Variants in RABGAP1L observed in about 807,000 individuals in gnomAD.
The protein encoded by RABGAP1L is rab GTPase-activating protein 1-like.
Under a neutral mutation model 137.7 loss-of-function variants are expected in RABGAP1L, and 63 were observed. That is an observed-to-expected ratio of 0.46 (90% CI 0.37 to 0.56). RABGAP1L has a LOEUF of 0.56. Ranked by LOEUF, RABGAP1L falls within the 20% of genes least tolerant of loss-of-function variation. The probability of loss-of-function intolerance (pLI) is 0.00; values close to 1 mark genes in which losing one functional copy is unlikely to be tolerated. For synonymous variants in RABGAP1L, 431 were observed against 433.7 expected, an observed-to-expected ratio of 0.99 and a Z score of 0.08; for missense variants, 1,095 against 1,244.0, an observed-to-expected ratio of 0.88 and a Z score of 1.80.
intron 17 of RABGAP1L, among the ~76,000 whole-genome samples, chr1:174,712,126 T>TGGACCAATCAGCTGTCTGTAAAAC (rs1241073645): frequency 9.2e-5 from 14 of 152,100 alleles, no homozygotes; most frequent in Non-Finnish European, 2.1e-4. Context: ...CTCTGTAAAA[T>TGGACCAATCAGCTGTCTGTAAAAC]GGACCAATCA....
intron 13 of RABGAP1L, among the ~76,000 whole-genome samples, chr1:174,559,765 G>A (rs1474249730): frequency 6.6e-6 from 1 of 152,168 alleles, no homozygotes; most frequent in African/African-American, 2.4e-5. Flanking sequence ...AACAATAATG[G>A]GTTATTGATT....
chr1:174,515,152 G>A (rs1269190973), intron 13 of RABGAP1L, among the ~76,000 whole-genome samples: 3 of 152,086 alleles, frequency 2.0e-5, no homozygotes, highest in Non-Finnish European at 4.4e-5. Flanking sequence ...TTGTACAACA[G>A]ATCTCTTGAA....
At chr1:174,637,333 G>T in intron 13 of RABGAP1L, 42 bp from the exon 14 acceptor site, 1 of 1,381,980 alleles carries the variant, frequency 7.2e-7, no homozygotes, top group South Asian at 1.2e-5. Context: ...TTCATAACTG[G>T]GAAAAAATTT....
intron 1 of RABGAP1L, among the ~76,000 whole-genome samples, chr1:174,176,396 G>A (rs1368661915): frequency 1.3e-5 from 2 of 151,934 alleles, no homozygotes; most frequent in East Asian, 3.9e-4. Context: ...TTATAATATT[G>A]GCACATCTTA....
intron 19 of RABGAP1L, among the ~76,000 whole-genome samples, chr1:174,900,630 C>T (rs1471365655): frequency 2.0e-5 from 3 of 152,150 alleles, no homozygotes; most frequent in Non-Finnish European, 4.4e-5. Context: ...CCCTATTCTC[C>T]TGCCTCAGCC....
intron 11 of RABGAP1L, among the ~76,000 whole-genome samples, chr1:174,338,916 A>G (rs1255406243): frequency 6.6e-6 from 1 of 152,156 alleles, no homozygotes; most frequent in Non-Finnish European, 1.5e-5. Flanking sequence ...ACAGAGCTGA[A>G]AATATTTACT....
chr1:174,635,000 A>T (rs933166053), intron 13 of RABGAP1L, among the ~76,000 whole-genome samples: 2 of 150,724 alleles, frequency 1.3e-5, no homozygotes, highest in Admixed American at 6.6e-5. Context: ...AACCTGCACA[A>T]TGTGCACATG....
At chr1:174,878,721 TAAAA>T (rs1006142168) in intron 19 of RABGAP1L, among the ~76,000 whole-genome samples, 3 of 151,674 alleles carry the variant, frequency 2.0e-5, no homozygotes, top group African/African-American at 7.3e-5. Flanking sequence ...AAAATAAAAA[TAAAA>T]AAATAAAGGA....
At chr1:174,259,505 T>C (rs1673400244) in intron 7 of RABGAP1L, among the ~76,000 whole-genome samples, 1 of 152,232 alleles carries the variant, frequency 6.6e-6, no homozygotes, top group African/African-American at 2.4e-5. Flanking sequence ...TCTTTTTAAA[T>C]ACTTGACTAA....
intron 13 of RABGAP1L, among the ~76,000 whole-genome samples, chr1:174,609,044 T>G (rs1670990722): frequency 2.6e-5 from 4 of 152,196 alleles, no homozygotes; most frequent in Admixed American, 2.6e-4. Flanking sequence ...TATTGTGAAC[T>G]ACTTAACACT....
intron 13 of RABGAP1L, among the ~76,000 whole-genome samples, chr1:174,622,436 A>G (rs1672586000): frequency 6.6e-6 from 1 of 152,240 alleles, no homozygotes; most frequent in Admixed American, 6.5e-5. Flanking sequence ...TCACAATAGC[A>G]AAGACTTGGA....
At chr1:174,853,554 AC>A (rs2148994355) in intron 19 of RABGAP1L, among the ~76,000 whole-genome samples, 1 of 152,100 alleles carries the variant, frequency 6.6e-6, no homozygotes, top group Admixed American at 6.5e-5. Context: ...ACACGGTGAA[AC>A]CCTGTCTCTA....
chr1:174,667,064 C>T (rs561435498), intron 14 of RABGAP1L, among the ~76,000 whole-genome samples: 1 of 151,450 alleles, frequency 6.6e-6, no homozygotes, highest in South Asian at 2.1e-4. Flanking sequence ...AATGTTAGCA[C>T]CAGAAATATT....
chr1:174,948,412 C>T (rs998963123), intron 19 of RABGAP1L, among the ~76,000 whole-genome samples: 2 of 145,354 alleles, frequency 1.4e-5, no homozygotes, highest in Non-Finnish European at 3.0e-5. Flanking sequence ...GTCCCAGCTA[C>T]AGGCTAAGAG....
chr1:174,294,003 G>GTT (rs1242939914), intron 10 of RABGAP1L, among the ~76,000 whole-genome samples: 1 of 151,900 alleles, frequency 6.6e-6, no homozygotes, highest in Non-Finnish European at 1.5e-5. Flanking sequence ...GACATCCTAG[G>GTT]TTTGTATCCA....
rs568508892 is a variant in RABGAP1L at position 174,988,570 on chromosome 1, A to G, written c.2806-71A>G. The G allele has an allele frequency of 1.2e-5, 16 of 1,301,762 alleles. No homozygotes were observed. In the Admixed American group the frequency reaches 4.9e-4, roughly 40 times the overall value. The allele number at this position is 1,301,762 out of a possible 1,614,324, so 80.6% of individuals were successfully genotyped here. A position where few individuals can be genotyped will look rare whatever the true frequency, so the allele number is the denominator to read the frequency against. On this transcript the variant is annotated intron_variant, in intron 24 of 25. Coordinates refer to ENST00000681986, the MANE Select transcript of RABGAP1L (RefSeq NM_001366446.1). ...ACAATAAGCAGCATCTAAAAAAGTCATAAATTGTTTCAGAAGGTGATTTAG... is the reference window on the plus strand; with the variant it reads ...ACAATAAGCAGCATCTAAAAAAGTCGTAAATTGTTTCAGAAGGTGATTTAG...
intron 13 of RABGAP1L, among the ~76,000 whole-genome samples, chr1:174,628,641 A>G (rs905269042): frequency 6.6e-6 from 1 of 152,200 alleles, no homozygotes; most frequent in South Asian, 2.1e-4. Context: ...TTAAGTGAGG[A>G]AAGTGGAAAT....
intron 19 of RABGAP1L, among the ~76,000 whole-genome samples, chr1:174,926,246 T>C (rs1276597837): frequency 4.6e-5 from 7 of 152,174 alleles, no homozygotes; most frequent in African/African-American, 1.7e-4. Context: ...TCCTTTATTA[T>C]TGTTTCACTA....
chr1:174,538,309 C>T (rs1665055979), intron 13 of RABGAP1L, among the ~76,000 whole-genome samples: 1 of 152,104 alleles, frequency 6.6e-6, no homozygotes. Flanking sequence ...CTTTGTAAAT[C>T]TCTTCTAAAT....
Sources: allele counts gnomAD v4.1 joint callset (sites outside exome capture counted in the v4.1 genomes callset), GRCh38; gene constraint gnomAD v4.1.1; transcripts MANE v1.5; gene names NCBI Gene and HGNC (gene_info 2026-07-23, HGNC 2026-07-21).